Variants in FGF10 observed in about 807,000 individuals in gnomAD.
The protein encoded by FGF10 is FGF-10.
In FGF10, 2 loss-of-function variants were observed where a neutral mutation model predicts 19.8. That is an observed-to-expected ratio of 0.10 (90% CI 0.04 to 0.32). FGF10 has a LOEUF of 0.32. Ranked by LOEUF, FGF10 falls within the 10% of genes least tolerant of loss-of-function variation. The pLI is 1.00. For missense variants in FGF10, 191 were observed against 246.3 expected (o/e 0.78, Z 1.50); for synonymous variants, 112 against 94.0 (o/e 1.19, Z -1.10).
chr5:44,359,219 C>G (rs1579931116), intron 1 of FGF10, among the ~76,000 whole-genome samples: 2 of 151,584 alleles, frequency 1.3e-5, no homozygotes, highest in African/African-American at 4.8e-5. Context: ...AGGATTGCTA[C>G]TAGGTAATGC....
chr5:44,346,064 T>C lies in FGF10; in HGVS notation c.326-35534A>G, dbSNP rs185662097. Among the ~76,000 whole-genome samples, 129 of 151,916 alleles carry C rather than the reference T, an allele frequency of 8.5e-4. No individual in the cohort carries two copies. The Middle Eastern group carries it at 0.01, about 12-fold the overall frequency. On this transcript the variant is annotated intron_variant, in intron 1 of 2. Coordinates refer to ENST00000264664, the MANE Select transcript of FGF10 (RefSeq NM_004465.2). ...GCTGCCCTTGAAATTCTAATAGTGA[T>C]CTTATCTCCAAAATTAACTGATTTG...
intron 1 of FGF10, among the ~76,000 whole-genome samples, chr5:44,366,939 A>C (rs184148387): frequency 1.3e-5 from 2 of 152,190 alleles, no homozygotes; most frequent in East Asian, 3.9e-4. Flanking sequence ...CAGCAACCCT[A>C]AGTTAACTTC....
intron 1 of FGF10, among the ~76,000 whole-genome samples, chr5:44,341,402 A>G (rs566693886): frequency 9.9e-5 from 15 of 151,982 alleles, no homozygotes; most frequent in Non-Finnish European, 1.6e-4. Context: ...ACTGAATACA[A>G]TGAAGAAGAA....
chr5:44,339,924 A>G (rs1740931286), intron 1 of FGF10, among the ~76,000 whole-genome samples: 1 of 152,114 alleles, frequency 6.6e-6, no homozygotes, highest in Non-Finnish European at 1.5e-5. Flanking sequence ...TCTTGAGTTG[A>G]ACTTTCTTTC....
intron 1 of FGF10, among the ~76,000 whole-genome samples, chr5:44,328,646 C>T (rs1740665809): frequency 6.6e-6 from 1 of 152,054 alleles, no homozygotes; most frequent in Non-Finnish European, 1.5e-5. Context: ...CCTGTGGTCC[C>T]AGATGCTCAG....
intron 1 of FGF10, among the ~76,000 whole-genome samples, chr5:44,378,301 C>T (rs1445923176): frequency 6.6e-6 from 1 of 152,174 alleles, no homozygotes; most frequent in East Asian, 1.9e-4. Flanking sequence ...GACTTTGGAG[C>T]ATTTTGGATT....
At chr5:44,317,940 G>A (rs17228011) in intron 1 of FGF10, among the ~76,000 whole-genome samples, 319 of 152,216 alleles carry the variant, frequency 2.1e-3, no homozygotes, top group African/African-American at 7.3e-3. Context: ...TTCATAATAA[G>A]TGCTGATATA....
chr5:44,349,276 C>A (rs988316701), intron 1 of FGF10, among the ~76,000 whole-genome samples: 1 of 149,748 alleles, frequency 6.7e-6, no homozygotes, highest in Non-Finnish European at 1.5e-5. Flanking sequence ...TTGCTGCTTA[C>A]CCCAGCAGCC....
intron 1 of FGF10, among the ~76,000 whole-genome samples, chr5:44,388,092 C>T: frequency 7.3e-6 from 1 of 136,258 alleles, no homozygotes. Flanking sequence ...CTGCGTGGTC[C>T]GGCTAGTGAC....
At position 44,362,871 on chromosome 5, in the gene FGF10, A is replaced by G. The variant is rs565632560; in HGVS notation, c.325+25487T>C. ...TCTTCCCCTCTCTTTTTGTGCCTCC[A>G]CTGCCCTGTTATTCCAGCACTTACT... On this transcript the variant is annotated intron_variant, in intron 1 of 2. Transcript: ENST00000264664. Among the ~76,000 whole-genome samples, 22 of 151,618 alleles carry G rather than the reference A, an allele frequency of 1.5e-4. No homozygotes were observed. In the East Asian group the frequency reaches 4.3e-3, roughly 30 times the overall value.
rs768184879 is a variant in FGF10 at position 44,303,902 on chromosome 5, T to C, written c.*1093A>G. On this transcript the variant is annotated 3_prime_UTR_variant, in exon 3 of 3. Coordinates refer to ENST00000264664, the MANE Select transcript of FGF10 (RefSeq NM_004465.2). ...GATGTGGACAGCCTCTTTACCGCCA[T>C]GACATTTGGCAAGAAATCATGAGTA... The C allele has an allele frequency of 4.6e-5, 7 of 152,192 alleles. No homozygotes were observed. Among genetic ancestry groups the C allele is most frequent in the Non-Finnish European group, 8.8e-5 (6 of 68,028 alleles). The allele number at this position is 152,192 out of a possible 1,614,324, so 9.4% of individuals were successfully genotyped here.
chr5:44,317,995 G>T (rs972401399), intron 1 of FGF10, among the ~76,000 whole-genome samples: 3 of 151,970 alleles, frequency 2.0e-5, no homozygotes, highest in African/African-American at 7.2e-5. Flanking sequence ...CTAGTTTTGG[G>T]TAAAATAAAG....
chr5:44,306,412 A>C (rs1740077530), intron 2 of FGF10, among the ~76,000 whole-genome samples: 1 of 152,190 alleles, frequency 6.6e-6, no homozygotes, highest in Non-Finnish European at 1.5e-5. Context: ...AAAACAAAAC[A>C]AAAACAAACA....
intron 2 of FGF10, among the ~76,000 whole-genome samples, chr5:44,307,873 T>C (rs543183658): frequency 6.6e-6 from 1 of 152,302 alleles, no homozygotes; most frequent in East Asian, 1.9e-4. Flanking sequence ...AAAAAGAATG[T>C]TATGGTTAGA....
At chr5:44,332,993 A>G (rs1740771786) in intron 1 of FGF10, among the ~76,000 whole-genome samples, 1 of 152,114 alleles carries the variant, frequency 6.6e-6, no homozygotes, top group African/African-American at 2.4e-5. Flanking sequence ...CAATCTCTAG[A>G]AAGTTTCTAT....
chr5:44,312,214 A>ACG (rs1198422837), intron 1 of FGF10, among the ~76,000 whole-genome samples: 1 of 151,676 alleles, frequency 6.6e-6, no homozygotes, highest in Non-Finnish European at 1.5e-5. Context: ...ACACACACAC[A>ACG]CACGCACATT....
At chr5:44,318,193 C>T (rs370274201) in intron 1 of FGF10, among the ~76,000 whole-genome samples, 3 of 152,112 alleles carry the variant, frequency 2.0e-5, no homozygotes, top group African/African-American at 7.2e-5. Context: ...GGAAATGGTA[C>T]AAGACAGAAA....
intron 1 of FGF10, among the ~76,000 whole-genome samples, chr5:44,368,963 C>T (rs1370494010): frequency 6.6e-6 from 1 of 152,096 alleles, no homozygotes; most frequent in Non-Finnish European, 1.5e-5. Flanking sequence ...CCACTGCTTC[C>T]AGCCCATGTG....
At chr5:44,362,919 T>C (rs913647291) in intron 1 of FGF10, among the ~76,000 whole-genome samples, 1 of 151,770 alleles carries the variant, frequency 6.6e-6, no homozygotes, top group African/African-American at 2.4e-5. Flanking sequence ...TATGTGTTTA[T>C]GCGTCTGTCT....
Sources: gnomAD v4.1 joint callset for allele counts (sites outside exome capture counted in the v4.1 genomes callset) on GRCh38, gnomAD v4.1.1 for gene constraint, MANE v1.5 for transcripts, NCBI Gene and HGNC (gene_info 2026-07-23, HGNC 2026-07-21) for gene names.